Variants in RBBP8 observed in about 807,000 individuals in gnomAD.
The protein encoded by RBBP8 is RB binding protein 8, endonuclease, also known as DNA endonuclease RBBP8.
Under a neutral mutation model 108.3 loss-of-function variants are expected in RBBP8, and 88 were observed. The ratio of observed to expected loss-of-function variants is 0.81; its 90% confidence interval spans 0.68 to 0.97. RBBP8 has a LOEUF of 0.97. Ranked by LOEUF, RBBP8 falls within the 50% of genes least tolerant of loss-of-function variation. RBBP8 has a pLI of 0.00. For missense variants in RBBP8, 1,023 were observed against 1,049.0 expected, an observed-to-expected ratio of 0.98 and a Z score of 0.34; for synonymous variants, 332 against 348.2, an observed-to-expected ratio of 0.95 and a Z score of 0.52.
intron 17 of RBBP8, among the ~76,000 whole-genome samples, chr18:23,017,355 C>CA (rs770526045): frequency 0.024 from 2,199 of 90,574 alleles, 57 homozygotes; most frequent in Middle Eastern, 0.077. Flanking sequence ...AACTTGGTCT[C>CA]AAAAAAAAAA....
At chr18:22,984,667 T>C (rs1191116755) in intron 7 of RBBP8, among the ~76,000 whole-genome samples, 1 of 152,198 alleles carries the variant, frequency 6.6e-6, no homozygotes, top group Non-Finnish European at 1.5e-5. Flanking sequence ...TCTAGTCCCC[T>C]CTCTCCCAAT....
At chr18:22,943,403 C>T (rs1598642485) in intron 2 of RBBP8, among the ~76,000 whole-genome samples, 1 of 152,080 alleles carries the variant, frequency 6.6e-6, no homozygotes, top group Non-Finnish European at 1.5e-5. Flanking sequence ...TGCACCACTG[C>T]ACCCCAGCCT....
intron 3 of RBBP8, among the ~76,000 whole-genome samples, chr18:22,918,707 C>CA (rs1909464616): frequency 1.3e-5 from 2 of 152,180 alleles, no homozygotes; most frequent in African/African-American, 4.8e-5. Context: ...GATAGGGTCT[C>CA]ACTCTGTCAC....
At chr18:22,971,286 T>C (rs1319257210) in intron 5 of RBBP8, among the ~76,000 whole-genome samples, 3 of 152,214 alleles carry the variant, frequency 2.0e-5, no homozygotes, top group Admixed American at 6.5e-5. Context: ...TCATTAGCTT[T>C]ATTTTGCTGT....
At chr18:23,018,611 C>T (rs1305333964) in intron 17 of RBBP8, among the ~76,000 whole-genome samples, 1 of 151,818 alleles carries the variant, frequency 6.6e-6, no homozygotes, top group Non-Finnish European at 1.5e-5. Flanking sequence ...ACTTATAATC[C>T]CTATTACAAT....
intron 4 of RBBP8, among the ~76,000 whole-genome samples, chr18:22,964,942 C>G (rs1913441413): frequency 6.6e-6 from 1 of 151,986 alleles, no homozygotes; most frequent in South Asian, 2.1e-4. Context: ...TTCTTGGAAA[C>G]TATGACTTTA....
At chr18:22,993,681 T>C (rs199914614) in intron 11 of RBBP8, 40 bp from the exon 12 acceptor site, 3 of 1,614,224 alleles carry the variant, frequency 1.9e-6, no homozygotes, top group East Asian at 4.5e-5. Context: ...AAATGATTGC[T>C]TGTGATTTCA....
intron 3 of RBBP8, among the ~76,000 whole-genome samples, chr18:22,917,493 C>A (rs975140478): frequency 6.6e-6 from 1 of 152,216 alleles, no homozygotes; most frequent in African/African-American, 2.4e-5. Context: ...TAAAACACTT[C>A]ACATAGTTCC....
chr18:22,977,564 C>T (rs748845651), intron 6 of RBBP8, among the ~76,000 whole-genome samples: 3 of 152,072 alleles, frequency 2.0e-5, no homozygotes, highest in Non-Finnish European at 4.4e-5. Flanking sequence ...AGTCTATACA[C>T]GTAAGAGTTC....
At chr18:22,935,114 C>G (rs773318093) in intron 1 of RBBP8, among the ~76,000 whole-genome samples, 1 of 151,216 alleles carries the variant, frequency 6.6e-6, no homozygotes, top group East Asian at 1.9e-4. Flanking sequence ...TCTTTGGTAA[C>G]AAAACTAATG....
chr18:22,928,643 G>C (rs1289899482), upstream of RBBP8, among the ~76,000 whole-genome samples: 2 of 151,738 alleles, frequency 1.3e-5, no homozygotes, highest in African/African-American at 4.8e-5. Flanking sequence ...TAAAGAAACT[G>C]ATTTTTAACC....
rs897769355 is a variant in RBBP8 at position 22,933,538 on chromosome 18, G to C, written c.-125G>C. ...TGCTCGCTTCCCTTCGGGGGCTTTC[G>C]CGAATCCCGAGGCAATCTCGGAGGC... On this transcript the variant is annotated 5_prime_UTR_variant, in exon 1 of 19. Coordinates refer to ENST00000327155, the MANE Select transcript of RBBP8 (RefSeq NM_002894.3). The C allele has an allele frequency of 2.6e-5, 4 of 154,210 alleles. No individual in the cohort carries two copies. The highest frequency in any genetic ancestry group is 9.6e-5 in the African/African-American group (4 of 41,622). The allele number at this position is 154,210 out of a possible 1,614,324, so 9.6% of individuals were successfully genotyped here.
chr18:22,923,383 C>T (rs1422126222), intron 3 of RBBP8, among the ~76,000 whole-genome samples: 1 of 152,178 alleles, frequency 6.6e-6, no homozygotes, highest in East Asian at 1.9e-4. Flanking sequence ...TAGAACTCAA[C>T]AATGATTCCC....
rs1913851536 is a variant in RBBP8 at position 22,968,883 on chromosome 18, T to C, written c.326T>C (p.Ile109Thr). The part of the protein sequence containing the change: ...MRKKQQEFEN[I>T]RQQNLKLITE... ...AAAAAACAGCAAGAGTTTGAAAATATCCGGCAGCAGAATCTTAAACTTATT... is the reference window on the plus strand; with the variant it reads ...AAAAAACAGCAAGAGTTTGAAAATACCCGGCAGCAGAATCTTAAACTTATT... The change falls in exon 5 of 19, where the codon ATC (isoleucine) becomes ACC (threonine). Residue 109 changes from isoleucine to threonine, a missense_variant. Physicochemically the swap from Ile to Thr is moderately conservative, Grantham distance 89. Transcript: ENST00000327155. The C allele has an allele frequency of 1.2e-6, 2 of 1,613,294 alleles. No individual in the cohort carries two copies. The highest frequency in any genetic ancestry group is 1.7e-6 in the Non-Finnish European group (2 of 1,179,424).
In RBBP8 at chr18:22,993,591, A is replaced by G. The variant is rs1915859811; in HGVS notation, c.1764A>G (p.Leu588=). ...KEENAVFKIP[L]RPRESLETEN... ...AAAATGCTGTCTTTAAAATTCCTCT[A>G]CGTCCACGTGAAAGTTTGGAGACTG... The change falls in exon 11 of 19, where the codon CTA becomes CTG. Residue 588 remains leucine (L), a synonymous_variant. Transcript: ENST00000327155. 1.2e-6 allele frequency: 2 copies of G among 1,614,168 alleles called. No individual in the cohort carries two copies. The highest frequency in any genetic ancestry group is 1.1e-5 in the South Asian group (1 of 91,072).
chr18:23,013,672 G>C (rs138874869), intron 16 of RBBP8, among the ~76,000 whole-genome samples: 1 of 152,158 alleles, frequency 6.6e-6, no homozygotes, highest in African/African-American at 2.4e-5. Context: ...GGAAGGAGCT[G>C]ATAATCATCT....
Position 22,936,863 on chromosome 18 carries a change from G to T in RBBP8, c.12G>T (p.Ser4=). The change falls in exon 2 of 19, where the codon TCG becomes TCT. Residue 4 remains serine (S), a synonymous_variant. Coordinates refer to ENST00000327155, the MANE Select transcript of RBBP8 (RefSeq NM_002894.3). The part of the protein sequence containing the change: MNI[S]GSSCGSPNSA... ...GCATATTAAGCAAGATGAACATCTC[G>T]GGAAGCAGCTGTGGAAGCCCTAACT... The T allele has an allele frequency of 6.2e-7, 1 of 1,614,050 alleles. No individual in the cohort carries two copies. The highest frequency in any genetic ancestry group is 8.5e-7 in the Non-Finnish European group (1 of 1,179,976).
intron 18 of RBBP8, among the ~76,000 whole-genome samples, chr18:23,024,990 A>G (rs921777565): frequency 2.0e-5 from 3 of 152,170 alleles, no homozygotes; most frequent in Non-Finnish European, 4.4e-5. Context: ...TCTCACACCT[A>G]TAATCCCAGC....
At chr18:23,009,433 T>C (rs2046117204) in intron 16 of RBBP8, among the ~76,000 whole-genome samples, 1 of 151,528 alleles carries the variant, frequency 6.6e-6, no homozygotes, top group African/African-American at 2.4e-5. Context: ...TGCCACCAAC[T>C]CAGTACCTTA....
Sources: allele counts gnomAD v4.1 joint callset (sites outside exome capture counted in the v4.1 genomes callset), GRCh38; gene constraint gnomAD v4.1.1; transcripts MANE v1.5; gene names NCBI Gene and HGNC (gene_info 2026-07-23, HGNC 2026-07-21).